The following ADGRL2 variants were observed in gnomAD, a reference collection of about 807,000 sequenced individuals.
The protein encoded by ADGRL2 is calcium-independent alpha-latrotoxin receptor 2.
A neutral mutation model predicts 157.4 loss-of-function variants in ADGRL2; 44 were observed. The observed-to-expected ratio is 0.28, with a 90% CI of 0.22 to 0.36. The LOEUF is 0.36. Ranked by LOEUF, ADGRL2 falls within the 10% of genes least tolerant of loss-of-function variation. The pLI, the probability that ADGRL2 is intolerant of heterozygous loss-of-function variation, is 1.00. For missense variants in ADGRL2, 1,510 were observed against 1,768.9 expected (o/e 0.85, Z 2.63); for synonymous variants, 585 against 624.7 (o/e 0.94, Z 0.95).
At chr1:81,485,071 T>A (rs781100893) in intron 2 of ADGRL2, among the ~76,000 whole-genome samples, 3 of 151,726 alleles carry the variant, frequency 2.0e-5, no homozygotes, top group Non-Finnish European at 4.4e-5. Context: ...CAAACTGCAA[T>A]ATTCAAATGT....
intron 2 of ADGRL2, among the ~76,000 whole-genome samples, chr1:81,562,263 G>C (rs1570510453): frequency 6.6e-6 from 1 of 152,070 alleles, no homozygotes; most frequent in Non-Finnish European, 1.5e-5. Context: ...ATTGTTTGAG[G>C]CTCTTCCGTA....
intron 1 of ADGRL2, among the ~76,000 whole-genome samples, chr1:81,334,705 C>T (rs17453301): frequency 1.3e-5 from 2 of 152,264 alleles, no homozygotes; most frequent in South Asian, 4.1e-4. Flanking sequence ...TTGTGTATGA[C>T]CTATTAACAC....
rs1003589793 is a variant in ADGRL2 at position 81,943,778 on chromosome 1, G to A, written c.1210+9G>A. ...ACCTGATCCTGCCCAAGGTAAGCGT[G>A]TTTACTTGCTAATGCTTATGTCATT... is the stretch of plus-strand genomic sequence containing the variant. On this transcript the variant is annotated intron_variant, in intron 6 of 23. Coordinates refer to ENST00000686636, the MANE Select transcript of ADGRL2 (RefSeq NM_001366006.2). This position sits in a 1 kb window ranked among gnomAD's most constrained non-coding sequence, Gnocchi z 5.6. The A allele has an allele frequency of 1.9e-6, 3 of 1,600,062 alleles. No homozygotes were observed. The highest frequency in any genetic ancestry group is 2.2e-5 in the South Asian group (2 of 90,530).
intron 2 of ADGRL2, among the ~76,000 whole-genome samples, chr1:81,877,518 G>A (rs1390909647): frequency 6.6e-6 from 1 of 152,054 alleles, no homozygotes; most frequent in Non-Finnish European, 1.5e-5. Context: ...TTTAATGTGT[G>A]TACTTGAGGT....
chr1:81,885,386 G>A (rs1181714786), intron 2 of ADGRL2, among the ~76,000 whole-genome samples: 1 of 152,092 alleles, frequency 6.6e-6, no homozygotes, highest in African/African-American at 2.4e-5. Flanking sequence ...GTCTTCTAAT[G>A]ATAAATTAAT....
At chr1:81,937,906 C>T (rs562479069) in intron 4 of ADGRL2, among the ~76,000 whole-genome samples, 2 of 151,844 alleles carry the variant, frequency 1.3e-5, no homozygotes, top group South Asian at 4.1e-4. Context: ...CTGCTGTGTC[C>T]GATATGGTAG....
chr1:81,379,913 G>A (rs1299038768), intron 1 of ADGRL2, among the ~76,000 whole-genome samples: 1 of 152,152 alleles, frequency 6.6e-6, no homozygotes, highest in Non-Finnish European at 1.5e-5. Context: ...ACCTAGGTCC[G>A]TGGGGGTAGA....
At chr1:81,522,115 C>T (rs1282383829) in intron 2 of ADGRL2, among the ~76,000 whole-genome samples, 1 of 151,984 alleles carries the variant, frequency 6.6e-6, no homozygotes, top group Non-Finnish European at 1.5e-5. Flanking sequence ...CAGGCGCACA[C>T]CACTGTACCC....
In ADGRL2 at chr1:81,990,479, G is replaced by C. The variant is rs372665040; in HGVS notation, c.3744G>C (p.Lys1248Asn). Residue 1248 changes from lysine to asparagine, a missense_variant, in exon 24 of 24, where the codon AAG (lysine) becomes AAC (asparagine). By Grantham distance (94) the Lys-to-Asn change is moderately conservative. Around this residue, in one of 4 missense-constraint regions of ADGRL2, gnomAD observed 327 missense variants for 310.1 expected, o/e 1.05. Transcript: ENST00000686636. ...GNFNNSYSLH[K>N]GDYNDSVQVV... ...TTAACAACAGCTACTCGCTGCACAAGGGTGACTATAATGACAGCGTGCAAG... is the reference window on the plus strand; with the variant it reads ...TTAACAACAGCTACTCGCTGCACAACGGTGACTATAATGACAGCGTGCAAG... 9 of 1,614,082 alleles carry C rather than the reference G, an allele frequency of 5.6e-6. No homozygotes were observed. The highest frequency in any genetic ancestry group is 7.6e-6 in the Non-Finnish European group (9 of 1,179,978).
chr1:81,584,033 C>G (rs1004508131), intron 3 of ADGRL2, among the ~76,000 whole-genome samples: 1 of 152,126 alleles, frequency 6.6e-6, no homozygotes, highest in African/African-American at 2.4e-5. Context: ...AGAAAATAGC[C>G]TGATTTCTCT....
intron 2 of ADGRL2, among the ~76,000 whole-genome samples, chr1:81,484,636 C>T (rs984934762): frequency 2.0e-5 from 3 of 152,060 alleles, no homozygotes; most frequent in Non-Finnish European, 4.4e-5. Flanking sequence ...TTATCTTGTA[C>T]ACAGTGTAGG....
intron 3 of ADGRL2, among the ~76,000 whole-genome samples, chr1:81,677,402 C>T (rs914135295): frequency 1.3e-5 from 2 of 152,138 alleles, no homozygotes; most frequent in Non-Finnish European, 2.9e-5. Flanking sequence ...GGAATAAAAC[C>T]ACCTATTGTT....
intron 1 of ADGRL2, among the ~76,000 whole-genome samples, chr1:81,340,343 A>T (rs1661980228): frequency 6.6e-6 from 1 of 152,160 alleles, no homozygotes; most frequent in South Asian, 2.1e-4. Flanking sequence ...ACTAATATCC[A>T]AGCTTCTGCT....
At chr1:81,790,047 A>C (rs1484490680) in intron 2 of ADGRL2, among the ~76,000 whole-genome samples, 3 of 152,190 alleles carry the variant, frequency 2.0e-5, no homozygotes, top group Non-Finnish European at 4.4e-5. Flanking sequence ...ACCCTTGAAA[A>C]GTTGAATGTA....
intron 1 of ADGRL2, among the ~76,000 whole-genome samples, chr1:81,425,285 CT>C (rs1316146909): frequency 6.6e-6 from 1 of 152,140 alleles, no homozygotes. Flanking sequence ...CACACAGGCA[CT>C]TATATACTCT....
At chr1:81,845,592 G>T (rs1450423850) in intron 2 of ADGRL2, among the ~76,000 whole-genome samples, 1 of 151,834 alleles carries the variant, frequency 6.6e-6, no homozygotes, top group Non-Finnish European at 1.5e-5. Context: ...ATTTTTTGTA[G>T]ATTTATTTAT....
intron 2 of ADGRL2, among the ~76,000 whole-genome samples, chr1:81,886,401 A>C (rs1453405192): frequency 2.0e-5 from 3 of 152,094 alleles, no homozygotes; most frequent in African/African-American, 7.2e-5. Context: ...CGATCTCCTG[A>C]CCTCGTGATC....
chr1:81,860,905 T>C (rs1327782082), intron 2 of ADGRL2, among the ~76,000 whole-genome samples: 1 of 152,206 alleles, frequency 6.6e-6, no homozygotes, highest in East Asian at 1.9e-4. Flanking sequence ...CAGCATGTGA[T>C]AGGTGATTGT....
At chr1:81,379,719 T>TTC (rs2076311889) in intron 1 of ADGRL2, among the ~76,000 whole-genome samples, 1 of 152,172 alleles carries the variant, frequency 6.6e-6, no homozygotes, top group Non-Finnish European at 1.5e-5. Flanking sequence ...CCTCTCCATG[T>TTC]TCTCTACAAG....
Sources: allele counts gnomAD v4.1 joint callset (sites outside exome capture counted in the v4.1 genomes callset), GRCh38; gene constraint gnomAD v4.1.1; regional missense constraint gnomAD v4.1.1; non-coding constraint Gnocchi (gnomAD v3.1); transcripts MANE v1.5; gene names NCBI Gene and HGNC (gene_info 2026-07-23, HGNC 2026-07-21).